The following C3orf22 variants were observed in gnomAD, a reference collection of about 807,000 sequenced individuals.
The protein encoded by C3orf22 is chromosome 3 open reading frame 22.
Under a neutral mutation model 10.8 loss-of-function variants are expected in C3orf22, and 7 were observed. That is an observed-to-expected ratio of 0.65 (90% CI 0.37 to 1.22). C3orf22 has a LOEUF of 1.22. Among genes scored for constraint, C3orf22 ranks in the 50% most tolerant of loss-of-function variants. C3orf22 has a pLI of 0.02. For synonymous variants in C3orf22, 79 were observed against 78.9 expected, an observed-to-expected ratio of 1.00 and a Z score of 0.00; for missense variants, 173 against 177.0, an observed-to-expected ratio of 0.98 and a Z score of 0.13.
chr3:126,557,988 CT>C (rs376245060), intron 1 of C3orf22, among the ~76,000 whole-genome samples: 5 of 2,040 alleles, frequency 2.5e-3, no homozygotes, highest in Admixed American at 4.7e-3. Context: ...CAGGCCCCAG[CT>C]CAGCCCCTTC....
intron 4 of C3orf22, chr3:126,541,961 G>C: frequency 6.3e-7 from 1 of 1,584,032 alleles, no homozygotes; most frequent in Non-Finnish European, 8.6e-7. Context: ...CGACCCGCGC[G>C]CCATCTCCGC....
At chr3:126,539,245 C>A (rs893884853) in intron 4 of C3orf22, among the ~76,000 whole-genome samples, 1 of 152,104 alleles carries the variant, frequency 6.6e-6, no homozygotes, top group African/African-American at 2.4e-5. Flanking sequence ...TATGTCTGAA[C>A]GTATCTCTAA....
At chr3:126,538,222 C>A (rs191546972) in intron 4 of C3orf22, among the ~76,000 whole-genome samples, 1 of 152,256 alleles carries the variant, frequency 6.6e-6, no homozygotes, top group Non-Finnish European at 1.5e-5. Flanking sequence ...TGGCAGCCCA[C>A]GGTTCAGCAG....
intron 4 of C3orf22, among the ~76,000 whole-genome samples, chr3:126,535,207 G>A (rs112085160): frequency 0.12 from 6,370 of 53,336 alleles, 215 homozygotes; most frequent in African/African-American, 0.21. Flanking sequence ...AGACAGCATC[G>A]CTGTCCCCAG....
chr3:126,558,123 T>TG (rs1937395475), intron 1 of C3orf22, among the ~76,000 whole-genome samples: 2 of 152,234 alleles, frequency 1.3e-5, no homozygotes, highest in South Asian at 4.1e-4. Flanking sequence ...ATGGTGCCTG[T>TG]GGCCTCTAAG....
chr3:126,531,476 A>G (rs952385857), intron 4 of C3orf22, among the ~76,000 whole-genome samples: 11 of 152,262 alleles, frequency 7.2e-5, no homozygotes, highest in Admixed American at 7.2e-4. Flanking sequence ...TGAATTCTTG[A>G]ACATATTCTT....
At chr3:126,541,753 G>A in intron 4 of C3orf22, 2 of 1,499,290 alleles carry the variant, frequency 1.3e-6, no homozygotes, top group Admixed American at 2.1e-5. Context: ...CGACCCTGGC[G>A]AAGGTGCACC....
intron 4 of C3orf22, among the ~76,000 whole-genome samples, chr3:126,531,070 CCT>C (rs759695484): frequency 8.5e-5 from 13 of 152,266 alleles, no homozygotes; most frequent in Admixed American, 2.0e-4. Flanking sequence ...CTTCCACGAA[CCT>C]CTGTTTATTC....
downstream of C3orf22, among the ~76,000 whole-genome samples, chr3:126,548,989 G>C (rs1182641852): frequency 2.6e-5 from 4 of 152,212 alleles, no homozygotes; most frequent in East Asian, 7.7e-4. Context: ...TCTAGCCCCT[G>C]TATTTGTAGA....
intron 4 of C3orf22, chr3:126,542,188 G>T (rs1198175759): frequency 1.8e-5 from 26 of 1,438,318 alleles, no homozygotes; most frequent in Non-Finnish European, 2.3e-5. Context: ...GGCCGCGCGC[G>T]CTCCCCGACG....
chr3:126,549,955 TTG>T lies in C3orf22; in HGVS notation c.337_338del (p.Gln113ThrfsTer11). On this transcript the variant is annotated frameshift_variant, in exon 4 of 4. Transcript: ENST00000318225. LOFTEE classifies it low-confidence loss of function (END_TRUNC). ...LKLLSRRFPR[Q>X]LAFLLSTRHT... is the part of the protein sequence containing the mutation. The stretch of plus-strand genomic sequence containing the variant: ...GCCGGGTGGACAGCAGGAAGGCGAG[TTG>T]TCTGGGGAAGCGGCGACTCAGCAAC... The T allele has an allele frequency of 6.2e-7, 1 of 1,613,030 alleles. No homozygotes were observed. The highest frequency in any genetic ancestry group is 1.3e-5 in the African/African-American group (1 of 74,554).
In C3orf22 at chr3:126,542,423, C is replaced by T. The variant is rs757560097; in HGVS notation, c.286+7114G>A. The T allele has an allele frequency of 3.9e-6, 6 of 1,551,006 alleles. No individual in the cohort carries two copies. The African/African-American group carries it at 4.2e-5, about 11-fold the overall frequency. The stretch of plus-strand genomic sequence containing the variant: ...CGCATCCGACCTGAGCTTCCCTGGG[C>T]CGCCGCGGCCCCGGGGAGCCGCCGC... On this transcript the variant is annotated intron_variant and NMD_transcript_variant, in intron 4 of 5. Transcript: ENST00000505070.
intron 4 of C3orf22, chr3:126,541,811 CG>C: frequency 6.4e-7 from 1 of 1,558,080 alleles, no homozygotes; most frequent in Non-Finnish European, 8.7e-7. Flanking sequence ...CCACTCACGC[CG>C]GCAGCGCCTG....
chr3:126,550,979 A>G (rs1937167964), intron 3 of C3orf22, among the ~76,000 whole-genome samples: 1 of 152,240 alleles, frequency 6.6e-6, no homozygotes, highest in Non-Finnish European at 1.5e-5. Flanking sequence ...CTGGCCGCTA[A>G]GCCCCATTGC....
At chr3:126,542,192 C>A in intron 4 of C3orf22, 1 of 1,442,460 alleles carries the variant, frequency 6.9e-7, no homozygotes, top group Non-Finnish European at 9.0e-7. Flanking sequence ...GCGCGCGCTC[C>A]CCGACGCCCG....
At chr3:126,553,242 G>A (rs1264861300) in intron 2 of C3orf22, 60 bp downstream of exon 2, 4 of 1,232,540 alleles carry the variant, frequency 3.2e-6, no homozygotes, top group Non-Finnish European at 3.6e-6. Flanking sequence ...TGAGTTCCCA[G>A]GATGCTGGGG....
chr3:126,536,896 A>AACACACACACAC lies in C3orf22; in HGVS notation c.287-7536_287-7525dup, dbSNP rs10670471. Among the ~76,000 whole-genome samples the AACACACACACAC allele has an allele frequency of 1.6e-3, 225 of 140,488 alleles. 3 individuals are homozygous for AACACACACACAC. The highest frequency in any genetic ancestry group is 4.9e-3 in the South Asian group (20 of 4,072). 92.2% of individuals were successfully genotyped at this position (140,488 alleles called of 152,430 possible). Reference sequence around the variant, plus strand: ...TCTCTCTTTCTCACACACACACACAAACACACACACACACACACACACACA... The same window carrying AACACACACACAC: ...TCTCTCTTTCTCACACACACACACAAACACACACACACACACACACACACACACACACACACA... On this transcript the variant is annotated intron_variant and NMD_transcript_variant, in intron 4 of 5. Transcript: ENST00000505070.
Position 126,549,800 on chromosome 3 carries a change from G to A in C3orf22, c.*68C>T. On this transcript the variant is annotated 3_prime_UTR_variant, in exon 4 of 4. Coordinates refer to ENST00000318225, the MANE Select transcript of C3orf22 (RefSeq NM_152533.3). Reference sequence around the variant, plus strand: ...GGCTGATCCCTTTACTAAAGTCTCTGTGGCTACTGCCCAGAGCCTGCCAAG... The same window carrying A: ...GGCTGATCCCTTTACTAAAGTCTCTATGGCTACTGCCCAGAGCCTGCCAAG... 1 of 1,543,974 alleles carries A rather than the reference G, an allele frequency of 6.5e-7. No homozygotes were observed. The highest frequency in any genetic ancestry group is 1.4e-5 in the African/African-American group (1 of 73,238).
At chr3:126,533,348 A>T (rs992513718) in intron 4 of C3orf22, among the ~76,000 whole-genome samples, 2 of 152,174 alleles carry the variant, frequency 1.3e-5, no homozygotes, top group African/African-American at 4.8e-5. Context: ...CTATTAAGTT[A>T]TCTGAGGGTT....
Sources: gnomAD v4.1 joint callset for allele counts (sites outside exome capture counted in the v4.1 genomes callset) on GRCh38, gnomAD v4.1.1 for gene constraint, MANE v1.5 for transcripts, NCBI Gene and HGNC (gene_info 2026-07-23, HGNC 2026-07-21) for gene names.